EIF3L: variants seen among roughly 807,000 people sequenced by gnomAD.
The protein encoded by EIF3L is eIEF associated protein HSPC021.
EIF3L carries 32 observed loss-of-function variants against 74.6 expected under a neutral mutation model. The observed-to-expected ratio is 0.43, with a 90% CI of 0.32 to 0.58. EIF3L has a LOEUF of 0.58. EIF3L is among the 20% of genes least tolerant of loss of function. The pLI is 0.06. For missense variants in EIF3L, 474 were observed against 707.8 expected (o/e 0.67, Z 3.75); for synonymous variants, 256 against 254.4 (o/e 1.01, Z -0.06).
Position 37,856,276 on chromosome 22 carries a change from C to T in EIF3L, c.373+632C>T, listed in dbSNP as rs546457950. Among the ~76,000 whole-genome samples, 137 of 152,154 alleles carry T rather than the reference C, an allele frequency of 9.0e-4. 1 individual carries two copies. The highest frequency in any genetic ancestry group is 3.1e-3 in the African/African-American group (129 of 41,532). The stretch of plus-strand genomic sequence containing the variant: ...ATTTTTAGTAGAGACGGGGTTTCAC[C>T]GTGTTGGCCAGGCTGGTCTCGAACT... On this transcript the variant is annotated intron_variant, in intron 4 of 12. Coordinates refer to ENST00000652021, the MANE Select transcript of EIF3L (RefSeq NM_016091.4).
At chr22:37,874,325 C>G (rs569543021) in intron 8 of EIF3L, 45 bp from the exon 9 acceptor site, 2 of 1,591,884 alleles carry the variant, frequency 1.3e-6, no homozygotes, top group South Asian at 1.1e-5. Flanking sequence ...GTGTGCCTGC[C>G]TTTACCTGCC....
At position 37,878,081 on chromosome 22, in the gene EIF3L, C is replaced by A; in HGVS notation, c.1485C>A (p.His495Gln). ...GGATCCAGCTTCTTGTCTTCAAACA[C>A]AAGATGAAGAACCTCGTGTGGACCA... ...EFRIQLLVFK[H>Q]KMKNLVWTSG... The change falls in exon 11 of 13, where the codon CAC (histidine) becomes CAA (glutamine). Residue 495 changes from histidine to glutamine, a missense_variant. His to Gln is a conservative substitution (Grantham distance 24). Coordinates refer to ENST00000652021, the MANE Select transcript of EIF3L (RefSeq NM_016091.4). 6.2e-7 allele frequency: 1 copy of A among 1,614,140 alleles called. No homozygotes were observed. The highest frequency in any genetic ancestry group is 8.5e-7 in the Non-Finnish European group (1 of 1,180,024).
In EIF3L at chr22:37,863,097, C is replaced by T. The variant is rs1303206927; in HGVS notation, c.505+59C>T. 11 of 1,401,206 alleles carry T rather than the reference C, an allele frequency of 7.9e-6. No homozygotes were observed. In the Admixed American group the frequency reaches 1.6e-4, roughly 20 times the overall value. The allele number at this position is 1,401,206 out of a possible 1,614,324, so 86.8% of individuals were successfully genotyped here. A position where few individuals can be genotyped will look rare whatever the true frequency, so the allele number is the denominator to read the frequency against. ...GGTTATGATGAGGTTCAGCATTGGC[C>T]TCCAGCTTTTTTTTTTTTTTTTTTA... On this transcript the variant is annotated intron_variant, in intron 6 of 12. Transcript: ENST00000652021.
intron 9 of EIF3L, 116 bp from the exon 10 acceptor site, chr22:37,875,725 A>C: frequency 3.2e-6 from 3 of 948,778 alleles, no homozygotes; most frequent in Non-Finnish European, 4.7e-6. Flanking sequence ...CTGGGACTCC[A>C]GAGCTTCCTC....
At chr22:37,860,386 G>A (rs113503392) in intron 5 of EIF3L, among the ~76,000 whole-genome samples, 4 of 152,192 alleles carry the variant, frequency 2.6e-5, no homozygotes, top group South Asian at 4.1e-4. Context: ...ACGGAGTCTC[G>A]CTCTGTCATC....
intron 11 of EIF3L, chr22:37,883,885 G>A (rs1192554371): frequency 6.6e-6 from 1 of 152,104 alleles, no homozygotes; most frequent in Non-Finnish European, 1.5e-5. Context: ...CTGCACTCCA[G>A]CCTGAGTGAC....
intron 4 of EIF3L, among the ~76,000 whole-genome samples, chr22:37,856,146 C>T (rs1925490485): frequency 6.6e-6 from 1 of 152,038 alleles, no homozygotes; most frequent in African/African-American, 2.4e-5. Flanking sequence ...CAACCTCCGC[C>T]TCCCAGGTTC....
At chr22:37,874,034 T>C (rs1487087629) in intron 8 of EIF3L, among the ~76,000 whole-genome samples, 1 of 152,150 alleles carries the variant, frequency 6.6e-6, no homozygotes. Context: ...ATCTTAGTGT[T>C]GTTATTAGGA....
Position 37,877,704 on chromosome 22 carries a change from C to T in EIF3L, c.1108C>T (p.Leu370=). The T allele has an allele frequency of 6.2e-7, 1 of 1,610,594 alleles. No homozygotes were observed. The change falls in exon 11 of 13, where the codon CTG becomes TTG. Residue 370 remains leucine (L), a synonymous_variant. Coordinates refer to ENST00000652021, the MANE Select transcript of EIF3L (RefSeq NM_016091.4). ...INKQNEQMHA[L]LAIALTMYPM... is the part of the protein sequence containing the mutation. ...CAAGCAGAATGAGCAGATGCATGCG[C>T]TGCTGGCCATTGCCCTCACGATGTA...
intron 4 of EIF3L, chr22:37,858,441 A>T (rs2145805699): frequency 4.0e-6 from 2 of 497,580 alleles, no homozygotes; most frequent in South Asian, 5.1e-5. Context: ...AGAAGTCTCT[A>T]AATGGTGAAA....
intron 10 of EIF3L, 102 bp downstream of exon 10, chr22:37,876,113 T>G (rs1926734776): frequency 1.5e-6 from 2 of 1,308,206 alleles, no homozygotes; most frequent in African/African-American, 2.9e-5. Context: ...ATATTGCACT[T>G]TTAAGCCAGG....
Position 37,875,901 on chromosome 22 carries a change from T to G in EIF3L, c.967T>G (p.Tyr323Asp). Residue 323 changes from tyrosine (Y) to aspartate (D), a missense_variant, in exon 10 of 13, where the codon TAT becomes GAT. Physicochemically the swap from Tyr to Asp is radical, Grantham distance 160. Transcript: ENST00000652021. The part of the protein sequence containing the change: ...VTTYYYVGFA[Y>D]LMMRRYQDAI... ...CACATACTATTATGTTGGGTTTGCATATTTGATGATGCGTCGTTACCAGGA... is the reference window on the plus strand; with the variant it reads ...CACATACTATTATGTTGGGTTTGCAGATTTGATGATGCGTCGTTACCAGGA... 6.2e-7 allele frequency: 1 copy of G among 1,614,174 alleles called. No homozygotes were observed. The highest frequency in any genetic ancestry group is 8.5e-7 in the Non-Finnish European group (1 of 1,180,036).
chr22:37,852,587 A>G (rs922009097), intron 3 of EIF3L, among the ~76,000 whole-genome samples: 3 of 152,156 alleles, frequency 2.0e-5, no homozygotes, highest in Admixed American at 6.6e-5. Flanking sequence ...CCAAAGGCCT[A>G]TTGATCAATG....
chr22:37,864,086 G>A (rs1926014782), intron 7 of EIF3L, among the ~76,000 whole-genome samples: 1 of 152,030 alleles, frequency 6.6e-6, no homozygotes, highest in South Asian at 2.1e-4. Flanking sequence ...GAAAGAGTCA[G>A]GGTCTCACTC....
At chr22:37,866,998 T>A (rs962605306) in intron 7 of EIF3L, among the ~76,000 whole-genome samples, 1 of 152,222 alleles carries the variant, frequency 6.6e-6, no homozygotes, top group Admixed American at 6.6e-5. Flanking sequence ...TATCAAATTG[T>A]GTTACTACCA....
chr22:37,866,068 A>G (rs1926132890), intron 7 of EIF3L, among the ~76,000 whole-genome samples: 1 of 152,202 alleles, frequency 6.6e-6, no homozygotes, highest in African/African-American at 2.4e-5. Flanking sequence ...AACTACAGAT[A>G]TAGTGAAAGT....
At chr22:37,876,142 GCT>G (rs2145833428) in intron 10 of EIF3L, 131 bp downstream of exon 10, 1 of 958,124 alleles carries the variant, frequency 1.0e-6, no homozygotes, top group South Asian at 1.7e-5. Context: ...ACTGTAGAGC[GCT>G]CTGTGATTGT....
At chr22:37,867,179 A>G (rs142180779) in intron 7 of EIF3L, among the ~76,000 whole-genome samples, 3 of 152,194 alleles carry the variant, frequency 2.0e-5, no homozygotes, top group African/African-American at 7.2e-5. Context: ...CTCGGACTAC[A>G]GGTGCACCCA....
At chr22:37,862,839 AT>A (rs1925931921) in intron 5 of EIF3L, 129 bp from the exon 6 acceptor site, 1 of 669,160 alleles carries the variant, frequency 1.5e-6, no homozygotes, top group East Asian at 2.8e-5. Flanking sequence ...TCACTTGCAT[AT>A]TTACATAGTA....
Sources: gnomAD v4.1 joint callset for allele counts (sites outside exome capture counted in the v4.1 genomes callset) on GRCh38, gnomAD v4.1.1 for gene constraint, MANE v1.5 for transcripts, NCBI Gene and HGNC (gene_info 2026-07-23, HGNC 2026-07-21) for gene names.